Variants in SSBP3 observed in about 807,000 individuals in gnomAD.
SSBP3 encodes the protein single-stranded DNA-binding protein 3.
A neutral mutation model predicts 69.6 loss-of-function variants in SSBP3; 5 were observed. That is an observed-to-expected ratio of 0.07 (90% CI 0.04 to 0.15). The LOEUF (loss-of-function observed/expected upper bound fraction) is 0.15. Ranked by LOEUF, SSBP3 falls within the 10% of genes least tolerant of loss-of-function variation. SSBP3 has a pLI of 1.00. For missense variants in SSBP3, 312 were observed against 534.0 expected (o/e 0.58, Z 4.10); for synonymous variants, 196 against 193.4 (o/e 1.01, Z -0.11).
At chr1:54,246,042 C>A (rs923265904) in intron 9 of SSBP3, among the ~76,000 whole-genome samples, 3 of 152,198 alleles carry the variant, frequency 2.0e-5, no homozygotes, top group African/African-American at 7.2e-5. Context: ...TGCAGCATGG[C>A]TCTGGCTTTA....
intron 4 of SSBP3, among the ~76,000 whole-genome samples, chr1:54,299,583 A>G (rs1451281421): frequency 6.6e-6 from 1 of 152,044 alleles, no homozygotes; most frequent in African/African-American, 2.4e-5. Flanking sequence ...ACAGGGAAAC[A>G]AATTATTAGG....
chr1:54,398,945 A>G (rs1285387719), intron 4 of SSBP3, among the ~76,000 whole-genome samples: 1 of 152,212 alleles, frequency 6.6e-6, no homozygotes, highest in Non-Finnish European at 1.5e-5. Context: ...GTCAACAGAC[A>G]CTTATTTACA....
chr1:54,316,654 A>AAAAAAAAAAT (rs1553137520), intron 4 of SSBP3, among the ~76,000 whole-genome samples: 1 of 72,910 alleles, frequency 1.4e-5, no homozygotes, highest in African/African-American at 1.1e-4. Flanking sequence ...TCTCAAAAAA[A>AAAAAAAAAAT]AAAAATAAAA....
At chr1:54,236,123 T>G (rs1378698464) in intron 14 of SSBP3, among the ~76,000 whole-genome samples, 1 of 152,146 alleles carries the variant, frequency 6.6e-6, no homozygotes, top group Non-Finnish European at 1.5e-5. Context: ...TTATGTATTT[T>G]TTTTTTCTTT....
chr1:54,256,207 G>A (rs1020851872), intron 7 of SSBP3, among the ~76,000 whole-genome samples: 1 of 152,144 alleles, frequency 6.6e-6, no homozygotes, highest in East Asian at 1.9e-4. Context: ...TGCTAATTTA[G>A]CTGGTGACTA....
intron 5 of SSBP3, among the ~76,000 whole-genome samples, chr1:54,262,611 T>C (rs1250238764): frequency 6.6e-6 from 1 of 152,212 alleles, no homozygotes; most frequent in African/African-American, 2.4e-5. Flanking sequence ...GCTTAAGTGT[T>C]GGCTTAACCT....
At chr1:54,250,055 C>A (rs1299982370) in intron 9 of SSBP3, among the ~76,000 whole-genome samples, 1 of 152,230 alleles carries the variant, frequency 6.6e-6, no homozygotes, top group African/African-American at 2.4e-5. Flanking sequence ...AGAGCTGTAT[C>A]TGACTCAGGA....
intron 5 of SSBP3, among the ~76,000 whole-genome samples, chr1:54,271,539 A>C (rs1338350531): frequency 6.6e-6 from 1 of 152,202 alleles, no homozygotes; most frequent in Non-Finnish European, 1.5e-5. Flanking sequence ...CACTGCCAGG[A>C]TCACACTGCC....
intron 4 of SSBP3, among the ~76,000 whole-genome samples, chr1:54,375,975 A>G (rs1014387879): frequency 6.6e-6 from 1 of 152,030 alleles, no homozygotes; most frequent in African/African-American, 2.4e-5. Flanking sequence ...AAGGAGAGGG[A>G]TAAGTAGGAG....
intron 4 of SSBP3, among the ~76,000 whole-genome samples, chr1:54,379,979 A>C (rs1312982339): frequency 6.6e-5 from 10 of 152,278 alleles, no homozygotes; most frequent in Non-Finnish European, 1.5e-4. Flanking sequence ...CTGGTCTCAC[A>C]GTGGGGACAA....
intron 4 of SSBP3, among the ~76,000 whole-genome samples, chr1:54,379,017 C>T (rs758260697): frequency 5.9e-5 from 9 of 152,226 alleles, no homozygotes; most frequent in East Asian, 1.9e-4. Flanking sequence ...GCCCCGCCAC[C>T]GCCTGGCCAG....
At chr1:54,263,423 C>T (rs1489719996) in intron 5 of SSBP3, among the ~76,000 whole-genome samples, 4 of 152,194 alleles carry the variant, frequency 2.6e-5, no homozygotes, top group East Asian at 1.9e-4. Context: ...AGTTTCCCAA[C>T]GGCTCTGAGC....
At chr1:54,304,844 T>C (rs1409125332) in intron 4 of SSBP3, among the ~76,000 whole-genome samples, 1 of 152,126 alleles carries the variant, frequency 6.6e-6, no homozygotes, top group East Asian at 1.9e-4. Flanking sequence ...TGAGATGAGT[T>C]GGCCTACGCA....
intron 4 of SSBP3, among the ~76,000 whole-genome samples, chr1:54,294,432 A>C (rs1569666157): frequency 2.0e-4 from 2 of 9,788 alleles, no homozygotes; most frequent in East Asian, 0.083. Flanking sequence ...ATTGGTCATT[A>C]AAAATGGAAA....
chr1:54,272,962 G>GA lies in SSBP3; in HGVS notation c.366+8475dup, dbSNP rs1230665059. Among the ~76,000 whole-genome samples, 3 of 152,294 alleles carry GA rather than the reference G, an allele frequency of 2.0e-5. No individual in the cohort carries two copies. The South Asian group carries it at 6.2e-4, about 32-fold the overall frequency. Reference sequence around the variant, plus strand: ...CAGAGCCCAGGCCTCCCAAGTCCAAGAGGCCAGAGACTCCTTCCCCCTTCC... The same window carrying GA: ...CAGAGCCCAGGCCTCCCAAGTCCAAGAAGGCCAGAGACTCCTTCCCCCTTCC... On this transcript the variant is annotated intron_variant, in intron 5 of 17. Coordinates refer to ENST00000610401, the Ensembl canonical transcript of SSBP3.
At chr1:54,379,623 C>T (rs534623311) in intron 4 of SSBP3, among the ~76,000 whole-genome samples, 1 of 152,298 alleles carries the variant, frequency 6.6e-6, no homozygotes, top group African/African-American at 2.4e-5. Flanking sequence ...AAGAAAGAGG[C>T]GGTACAATGG....
chr1:54,404,983 C>T lies in SSBP3; in HGVS notation c.57-53G>A, dbSNP rs145679586. On this transcript the variant is annotated intron_variant, in intron 1 of 17. Transcript: ENST00000610401. ...GAGAGGGAAAGGCGTCAGATCCCAC[C>T]GGCGCTCTCCAGGACCTTGCCAGCA... 7.4e-4 allele frequency: 1,129 copies of T among 1,516,860 alleles called. 6 individuals carry two copies. In the African/African-American group the frequency reaches 0.013, roughly 17 times the overall value. The allele number at this position is 1,516,860 out of a possible 1,614,324, so 94.0% of individuals were successfully genotyped here.
At chr1:54,260,437 G>C (rs1221714247) in intron 5 of SSBP3, among the ~76,000 whole-genome samples, 1 of 152,236 alleles carries the variant, frequency 6.6e-6, no homozygotes, top group South Asian at 2.1e-4. Context: ...TGACAGATTA[G>C]AGAAAACAGA....
intron 14 of SSBP3, among the ~76,000 whole-genome samples, chr1:54,231,736 C>A (rs1644382290): frequency 6.6e-6 from 1 of 152,154 alleles, no homozygotes; most frequent in African/African-American, 2.4e-5. Context: ...ACTCTGTCGG[C>A]CAGGCTGGAG....
Sources: gnomAD v4.1 joint callset for allele counts (sites outside exome capture counted in the v4.1 genomes callset) on GRCh38, gnomAD v4.1.1 for gene constraint, MANE v1.5 for transcripts, NCBI Gene and HGNC (gene_info 2026-07-23, HGNC 2026-07-21) for gene names.